Variants in THAP9 observed in about 807,000 individuals in gnomAD.
THAP9 encodes the protein DNA transposase THAP9.
In THAP9, 20 loss-of-function variants were observed where a neutral mutation model predicts 35.7. The ratio of observed to expected loss-of-function variants is 0.56; its 90% confidence interval spans 0.39 to 0.81. THAP9 has a LOEUF of 0.81. Among genes scored for constraint, THAP9 ranks in the 40% least tolerant of loss-of-function variants. THAP9 has a pLI of 0.00. For synonymous variants in THAP9, 335 were observed against 373.7 expected, an observed-to-expected ratio of 0.90 and a Z score of 1.19; for missense variants, 870 against 1,047.4, an observed-to-expected ratio of 0.83 and a Z score of 2.34.
chr4:82,917,588 AAAG>A lies in THAP9; in HGVS notation c.1379_1381del (p.Arg460del). 1 of 1,614,096 alleles carries A rather than the reference AAAG, an allele frequency of 6.2e-7. No homozygotes were observed. Among genetic ancestry groups the A allele is most frequent in the Non-Finnish European group, 8.5e-7 (1 of 1,179,966 alleles). On this transcript the variant is annotated inframe_deletion, in exon 5 of 5. Transcript: ENST00000302236. The stretch of plus-strand genomic sequence containing the variant: ...GAGGAACAGGAATTATCAAATATGG[AAAG>A]AATACCAAGTACACTTGCAAATTTG...
intron 1 of THAP9, among the ~76,000 whole-genome samples, chr4:82,902,880 A>G (rs1720484155): frequency 6.6e-6 from 1 of 152,206 alleles, no homozygotes; most frequent in Non-Finnish European, 1.5e-5. Context: ...CACTCTTACT[A>G]CAGCCCTGTG....
chr4:82,901,249 C>T, intron 1 of THAP9: 1 of 493,910 alleles, frequency 2.0e-6, no homozygotes, highest in Non-Finnish European at 4.0e-6. Context: ...AGCACGAGTA[C>T]AGATCAGTTT....
rs1376854545 is a variant in THAP9 at position 82,918,132 on chromosome 4, T to C, written c.1920T>C (p.Asn640=). The part of the protein sequence containing the change: ...TCMAFQKAYY[N]LETRYKFQDE... ...TGGCATTCCAGAAAGCTTACTATAA[T>C]TTGGAGACCAGATACAAATTTCAAG... Residue 640 remains asparagine (N), a synonymous_variant, in exon 5 of 5, where the codon AAT becomes AAC. Coordinates refer to ENST00000302236, the MANE Select transcript of THAP9 (RefSeq NM_024672.6). 8 of 1,614,054 alleles carry C rather than the reference T, an allele frequency of 5.0e-6. No homozygotes were observed. Among genetic ancestry groups the C allele is most frequent in the East Asian group, 2.2e-5 (1 of 44,898 alleles).
intron 4 of THAP9, among the ~76,000 whole-genome samples, chr4:82,911,580 C>T (rs1253281595): frequency 1.3e-5 from 2 of 151,758 alleles, no homozygotes; most frequent in East Asian, 3.9e-4. Context: ...GGTGACAGAG[C>T]GAGATTCCGT....
At chr4:82,900,949 T>G (rs1409777098) in intron 1 of THAP9, 67 bp downstream of exon 1, 1 of 1,583,612 alleles carries the variant, frequency 6.3e-7, no homozygotes, top group South Asian at 1.1e-5. Context: ...TGGCGTGGCG[T>G]GGGGCGGGGC....
chr4:82,917,646 C>T lies in THAP9; in HGVS notation c.1434C>T (p.Ala478=). 6.2e-7 allele frequency: 1 copy of T among 1,613,658 alleles called. No homozygotes were observed. Among genetic ancestry groups the T allele is most frequent in the Non-Finnish European group, 8.5e-7 (1 of 1,179,758 alleles). The change falls in exon 5 of 5, where the codon GCC becomes GCT. Residue 478 remains alanine, a synonymous_variant. Transcript: ENST00000302236. The part of the protein sequence containing the change: ...LKNHVLKVNS[A]TQLFSESVAS... ...ATCATGTACTGAAAGTGAATAGTGCCACCCAACTCTTTAGTGAGAGTGTAG... is the reference window on the plus strand; with the variant it reads ...ATCATGTACTGAAAGTGAATAGTGCTACCCAACTCTTTAGTGAGAGTGTAG...
rs139976656 is a variant in THAP9 at position 82,906,512 on chromosome 4, C to T, written c.465C>T (p.Ser155=). 2.5e-5 allele frequency: 41 copies of T among 1,613,714 alleles called. No individual in the cohort carries two copies. The East Asian group carries it at 4.0e-4, about 16-fold the overall frequency. The stretch of plus-strand genomic sequence containing the variant: ...AAGTGTCCAAAAAAAGACTTATCTC[C>T]GTAAAGAACTACAGGATGATCAAGA... ...MLQVSKKRLI[S]VKNYRMIKKR... Residue 155 remains serine, a synonymous_variant, in exon 3 of 5, where the codon TCC becomes TCT. Transcript: ENST00000302236.
At position 82,915,413 on chromosome 4, in the gene THAP9, T is replaced by C. The variant is rs1721005534; in HGVS notation, c.732-1531T>C. Among the ~76,000 whole-genome samples the C allele has an allele frequency of 2.0e-5, 3 of 152,008 alleles. No individual in the cohort carries two copies. In the South Asian group the frequency reaches 6.2e-4, roughly 32 times the overall value. ...CTGGGATTACAGGTGCGCGCCACCA[T>C]GCCCAGCTAATTTTTGTATTTTTAG... is the stretch of plus-strand genomic sequence containing the variant. On this transcript the variant is annotated intron_variant, in intron 4 of 4. Transcript: ENST00000302236.
In THAP9 at chr4:82,918,816, A is replaced by G; in HGVS notation, c.2604A>G (p.Leu868=). 1 of 1,613,860 alleles carries G rather than the reference A, an allele frequency of 6.2e-7. No homozygotes were observed. The highest frequency in any genetic ancestry group is 1.3e-5 in the African/African-American group (1 of 75,052). Residue 868 remains leucine, a synonymous_variant, in exon 5 of 5, where the codon TTA becomes TTG. Coordinates refer to ENST00000302236, the MANE Select transcript of THAP9 (RefSeq NM_024672.6). ...HHSERTDMKT[L]SRKHWSSVQD... ...CAGAGAGAACTGATATGAAAACTTT[A>G]TCAAGGAAACACTGGTCATCTGTAC... is the stretch of plus-strand genomic sequence containing the variant.
Position 82,917,180 on chromosome 4 carries a change from TG to T in THAP9, c.969del (p.Leu323PhefsTer2). On this transcript the variant is annotated frameshift_variant, in exon 5 of 5. Transcript: ENST00000302236. LOFTEE classifies it low-confidence loss of function (END_TRUNC). ...DETPLASETV[L>X]LMAVGIFGHW... is the part of the protein sequence containing the mutation. ...ACGCCACTTGCTTCAGAAACTGTTT[TG>T]TTAATGGCAGTGGGTATTTTTGGCC... The T allele has an allele frequency of 6.2e-7, 1 of 1,614,012 alleles. No individual in the cohort carries two copies. The highest frequency in any genetic ancestry group is 8.5e-7 in the Non-Finnish European group (1 of 1,179,950).
rs758540361 is a variant in THAP9 at position 82,918,140 on chromosome 4, C to A, written c.1928C>A (p.Thr643Asn). 1.9e-6 allele frequency: 3 copies of A among 1,614,076 alleles called. No individual in the cohort carries two copies. Among genetic ancestry groups the A allele is most frequent in the African/African-American group, 2.7e-5 (2 of 75,030 alleles). The change falls in exon 5 of 5, where the codon ACC (threonine) becomes AAC (asparagine). Residue 643 changes from threonine to asparagine, a missense_variant. By Grantham distance (65) the Thr-to-Asn change is moderately conservative. Coordinates refer to ENST00000302236, the MANE Select transcript of THAP9 (RefSeq NM_024672.6). The part of the protein sequence containing the change: ...AFQKAYYNLE[T>N]RYKFQDEVFL... Reference sequence around the variant, plus strand: ...CAGAAAGCTTACTATAATTTGGAGACCAGATACAAATTTCAAGATGAAGTT... The same window carrying A: ...CAGAAAGCTTACTATAATTTGGAGAACAGATACAAATTTCAAGATGAAGTT...
At chr4:82,901,275 G>T in intron 1 of THAP9, 2 of 432,496 alleles carry the variant, frequency 4.6e-6, no homozygotes, top group Admixed American at 5.1e-5. Flanking sequence ...TGTACTGCCT[G>T]ACATTGCAAG....
Position 82,918,313 on chromosome 4 carries a change from C to T in THAP9, c.2101C>T (p.Leu701=), listed in dbSNP as rs2126017856. 6.2e-7 allele frequency: 1 copy of T among 1,614,164 alleles called. No individual in the cohort carries two copies. The highest frequency in any genetic ancestry group is 8.5e-7 in the Non-Finnish European group (1 of 1,180,010). Residue 701 remains leucine (L), a synonymous_variant, in exon 5 of 5, where the codon CTA becomes TTA. Transcript: ENST00000302236. ...GICQDWSHCS[L]SEALLDLSDH... is the part of the protein sequence containing the mutation. ...TTGTCAAGACTGGTCTCATTGTTCA[C>T]TAAGTGAGGCATTACTAGACCTGTC...
intron 1 of THAP9, 110 bp from the exon 2 acceptor site, chr4:82,904,626 T>A: frequency 1.0e-6 from 1 of 994,146 alleles, no homozygotes. Flanking sequence ...TTCACTTGGC[T>A]TTATGTTTCT....
intron 1 of THAP9, among the ~76,000 whole-genome samples, chr4:82,902,777 C>T (rs964432739): frequency 3.9e-5 from 6 of 152,176 alleles, no homozygotes; most frequent in Non-Finnish European, 7.3e-5. Context: ...ATTATAATCC[C>T]AGAAATGGAA....
At chr4:82,902,957 A>G (rs1451750410) in intron 1 of THAP9, among the ~76,000 whole-genome samples, 1 of 152,246 alleles carries the variant, frequency 6.6e-6, no homozygotes, top group Non-Finnish European at 1.5e-5. Context: ...TGAAGCTTAA[A>G]TACAGGTTTT....
In THAP9 at chr4:82,918,767, C is replaced by T. The variant is rs955566057; in HGVS notation, c.2555C>T (p.Ala852Val). 6 of 1,613,752 alleles carry T rather than the reference C, an allele frequency of 3.7e-6. No individual in the cohort carries two copies. Among genetic ancestry groups the T allele is most frequent in the Non-Finnish European group, 5.1e-6 (6 of 1,179,896 alleles). Residue 852 changes from alanine (A) to valine (V), a missense_variant, in exon 5 of 5, where the codon GCA (alanine) becomes GTA (valine). Ala to Val is a moderately conservative substitution (Grantham distance 64). This residue lies in a region of THAP9 where 414 missense variants were observed against 500.8 expected (regional missense o/e 0.83). Coordinates refer to ENST00000302236, the MANE Select transcript of THAP9 (RefSeq NM_024672.6). ...TTAAATATCAGAGCTAAAAATGTTG[C>T]ACAGAATCCTTTAAAACATCATTCA... ...CFLNIRAKNV[A>V]QNPLKHHSER...
At position 82,904,746 on chromosome 4, in the gene THAP9, G is replaced by A; in HGVS notation, c.91G>A (p.Asp31Asn). 6.2e-7 allele frequency: 1 copy of A among 1,614,082 alleles called. No homozygotes were observed. Among genetic ancestry groups the A allele is most frequent in the Non-Finnish European group, 8.5e-7 (1 of 1,179,992 alleles). Residue 31 changes from aspartate to asparagine, a missense_variant, in exon 2 of 5, where the codon GAT becomes AAT. Around this residue, in one of 3 missense-constraint regions of THAP9, gnomAD observed 440 missense variants for 501.2 expected, o/e 0.88. Transcript: ENST00000302236. ...RGLSFHQFPT[D>N]TIQRSKWIRA... Reference sequence around the variant, plus strand: ...ATGTGATTGTCATAGATTTCCAACTGATACCATACAGCGCTCAAAATGGAT... The same window carrying A: ...ATGTGATTGTCATAGATTTCCAACTAATACCATACAGCGCTCAAAATGGAT...
At chr4:82,914,334 G>A (rs933908302) in intron 4 of THAP9, among the ~76,000 whole-genome samples, 2 of 152,022 alleles carry the variant, frequency 1.3e-5, no homozygotes, top group African/African-American at 4.8e-5. Flanking sequence ...TATTCCTCTG[G>A]GTATATAACC....
Sources: gnomAD v4.1 joint callset for allele counts (sites outside exome capture counted in the v4.1 genomes callset) on GRCh38, gnomAD v4.1.1 for gene constraint, gnomAD v4.1.1 regional missense constraint, MANE v1.5 for transcripts, NCBI Gene and HGNC (gene_info 2026-07-23, HGNC 2026-07-21) for gene names.